The following DHX15 variants were observed in gnomAD, a reference collection of about 807,000 sequenced individuals.
DHX15 encodes the protein ATP-dependent RNA helicase DHX15.
A neutral mutation model predicts 94.4 loss-of-function variants in DHX15; 11 were observed. The ratio of observed to expected loss-of-function variants is 0.12; its 90% CI spans 0.07 to 0.19. DHX15 has a LOEUF of 0.19. Among genes scored for constraint, DHX15 ranks in the 10% least tolerant of loss-of-function variants. DHX15 has a pLI of 1.00. For synonymous variants in DHX15, 338 were observed against 329.9 expected (o/e 1.02, Z -0.27); for missense variants, 304 against 988.5 (o/e 0.31, Z 9.29).
chr4:24,570,520 G>C (rs1722099352), intron 3 of DHX15, 134 bp downstream of exon 3: 1 of 637,818 alleles, frequency 1.6e-6, no homozygotes, highest in Admixed American at 2.9e-5. Context: ...AAGGTCATGT[G>C]GTAAGTCTAA....
chr4:24,540,311 A>C lies in DHX15; in HGVS notation c.1595-12T>G, dbSNP rs1721281329. 2 of 1,607,552 alleles carry C rather than the reference A, an allele frequency of 1.2e-6. No homozygotes were observed. Among genetic ancestry groups the C allele is most frequent in the Non-Finnish European group, 1.7e-6 (2 of 1,176,954 alleles). Reference sequence around the variant, plus strand: ...CAGAGTTTCAGGAGCTAGTGGTAAAAGACAATCTATTAGACACGGTGCCTT... The same window carrying C: ...CAGAGTTTCAGGAGCTAGTGGTAAACGACAATCTATTAGACACGGTGCCTT... On this transcript the variant is annotated splice_polypyrimidine_tract_variant and intron_variant, in intron 9 of 13. Transcript: ENST00000336812.
chr4:24,541,031 C>T, intron 8 of DHX15, 83 bp from the exon 9 acceptor site: 1 of 731,642 alleles, frequency 1.4e-6, no homozygotes, highest in Non-Finnish European at 2.3e-6. Context: ...CTGCTGCCTC[C>T]TGAGCTATTT....
intron 6 of DHX15, 136 bp downstream of exon 6, chr4:24,548,719 C>T: frequency 1.2e-6 from 1 of 835,884 alleles, no homozygotes; most frequent in Non-Finnish European, 1.8e-6. Context: ...ATGCGGAACC[C>T]TACAAATGGA....
intron 5 of DHX15, among the ~76,000 whole-genome samples, chr4:24,553,816 G>A (rs901261444): frequency 1.4e-4 from 21 of 152,044 alleles, no homozygotes; most frequent in African/African-American, 4.6e-4. Context: ...AAACCCTTTC[G>A]TAAAAGGCTT....
At chr4:24,564,819 T>C (rs1006570613) in intron 3 of DHX15, among the ~76,000 whole-genome samples, 1 of 152,144 alleles carries the variant, frequency 6.6e-6, no homozygotes, top group Non-Finnish European at 1.5e-5. Context: ...AAAGGGAACA[T>C]ATTTTGAATA....
At chr4:24,535,943 A>T (rs1248390226) in intron 11 of DHX15, among the ~76,000 whole-genome samples, 1 of 152,214 alleles carries the variant, frequency 6.6e-6, no homozygotes, top group Admixed American at 6.5e-5. Flanking sequence ...TCATGAGAAG[A>T]AACTACAAAC....
chr4:24,554,933 A>G lies in DHX15; in HGVS notation c.872T>C (p.Met291Thr). 2 of 1,613,010 alleles carry G rather than the reference A, an allele frequency of 1.2e-6. No homozygotes were observed. Among genetic ancestry groups the G allele is most frequent in the Non-Finnish European group, 1.7e-6 (2 of 1,179,354 alleles). The change falls in exon 5 of 14, where the codon ATG (methionine) becomes ACG (threonine). Residue 291 changes from methionine to threonine, a missense_variant. Met to Thr is a moderately conservative substitution (Grantham distance 81). Transcript: ENST00000336812. ...TTTTCCTGCATCTAGAGTAGCGCTCATAACTATAACCTGAAAGAAAACAGT... is the reference window on the plus strand; with the variant it reads ...TTTTCCTGCATCTAGAGTAGCGCTCGTAACTATAACCTGAAAGAAAACAGT... The part of the protein sequence containing the change: ...RQRSDLKVIV[M>T]SATLDAGKFQ...
At chr4:24,573,619 A>T (rs6821579) in intron 2 of DHX15, among the ~76,000 whole-genome samples, 147,199 of 151,620 alleles carry the variant, frequency 0.97, 71,505 homozygotes, top group East Asian at 1. Context: ...GAGTTTTTTT[A>T]AAAAAAAATC....
intron 3 of DHX15, among the ~76,000 whole-genome samples, chr4:24,562,423 C>A (rs1273885271): frequency 6.6e-6 from 1 of 152,130 alleles, no homozygotes; most frequent in Non-Finnish European, 1.5e-5. Context: ...TACATACTTG[C>A]TGCAAGACAA....
chr4:24,549,121 C>G, intron 5 of DHX15, 99 bp from the exon 6 acceptor site: 4 of 960,070 alleles, frequency 4.2e-6, no homozygotes, highest in Non-Finnish European at 5.7e-6. Context: ...ATGCCATCTT[C>G]TTTCACTTCA....
chr4:24,571,798 T>C (rs527723297), intron 2 of DHX15, among the ~76,000 whole-genome samples: 2 of 152,296 alleles, frequency 1.3e-5, no homozygotes, highest in African/African-American at 2.4e-5. Flanking sequence ...TTTAGTTAGG[T>C]TGCTTCTGCA....
chr4:24,572,614 C>T (rs1722148696), intron 2 of DHX15, among the ~76,000 whole-genome samples: 1 of 152,056 alleles, frequency 6.6e-6, no homozygotes, highest in Non-Finnish European at 1.5e-5. Flanking sequence ...TGAAAAATTG[C>T]TAAAATATTA....
At chr4:24,575,157 A>T (rs1359511942) in intron 2 of DHX15, among the ~76,000 whole-genome samples, 1 of 141,714 alleles carries the variant, frequency 7.1e-6, no homozygotes, top group South Asian at 2.2e-4. Context: ...CACAAAAATT[A>T]AAAAAAAAAA....
intron 2 of DHX15, among the ~76,000 whole-genome samples, chr4:24,571,314 A>G (rs935484299): frequency 6.6e-6 from 1 of 152,188 alleles, no homozygotes; most frequent in Non-Finnish European, 1.5e-5. Context: ...CCTAACTCTT[A>G]GCACCCAACT....
At chr4:24,530,763 A>G (rs534627571) in intron 12 of DHX15, 107 of 152,238 alleles carry the variant, frequency 7.0e-4, no homozygotes, top group African/African-American at 2.6e-3. Context: ...ATCAAAATGG[A>G]CAGTTCTCCC....
chr4:24,543,115 C>G, intron 6 of DHX15, 89 bp from the exon 7 acceptor site: 1 of 767,336 alleles, frequency 1.3e-6, no homozygotes, highest in Non-Finnish European at 2.1e-6. Flanking sequence ...TTCACTGACA[C>G]AAGGAATTTC....
chr4:24,528,161 A>C (rs1721000098), intron 13 of DHX15, 120 bp from the exon 14 acceptor site: 2 of 640,972 alleles, frequency 3.1e-6, no homozygotes, highest in Admixed American at 5.1e-5. Context: ...TATGAATTCA[A>C]GTCTCAGAAA....
chr4:24,548,238 G>A (rs1448799240), intron 6 of DHX15, among the ~76,000 whole-genome samples: 4 of 151,202 alleles, frequency 2.6e-5, no homozygotes, highest in East Asian at 1.9e-4. Flanking sequence ...CGCCTCTAGG[G>A]TTCAAGCGAT....
chr4:24,569,083 A>C (rs1722060611), intron 3 of DHX15, among the ~76,000 whole-genome samples: 1 of 152,198 alleles, frequency 6.6e-6, no homozygotes, highest in African/African-American at 2.4e-5. Context: ...TGAAAACTGG[A>C]TATTTTGATC....
Sources: gnomAD v4.1 joint callset for allele counts (sites outside exome capture counted in the v4.1 genomes callset) on GRCh38, gnomAD v4.1.1 for gene constraint, MANE v1.5 for transcripts, NCBI Gene and HGNC (gene_info 2026-07-23, HGNC 2026-07-21) for gene names.